Variants in HMCES observed in about 807,000 individuals in gnomAD.
The protein encoded by HMCES is abasic site processing protein HMCES.
HMCES carries 27 observed loss-of-function variants against 35.1 expected under a neutral mutation model. That is an observed-to-expected ratio of 0.77 (90% CI 0.57 to 1.06). HMCES has a LOEUF of 1.06. HMCES is among the 50% of genes least tolerant of loss of function. The pLI is 0.00. For missense variants in HMCES, 391 were observed against 430.4 expected (o/e 0.91, Z 0.81); for synonymous variants, 130 against 154.7 (o/e 0.84, Z 1.18).
intron 3 of HMCES, among the ~76,000 whole-genome samples, chr3:129,289,624 C>T (rs1247226745): frequency 6.6e-6 from 1 of 152,070 alleles, no homozygotes; most frequent in African/African-American, 2.4e-5. Flanking sequence ...ATCCACCTGT[C>T]TGGGCCTCCC....
intron 2 of HMCES, among the ~76,000 whole-genome samples, chr3:129,285,162 G>T (rs1199520072): frequency 6.6e-6 from 1 of 151,870 alleles, no homozygotes; most frequent in Non-Finnish European, 1.5e-5. Flanking sequence ...AAAATTTTTT[G>T]TACCCTCAGG....
rs373499178 is a variant in HMCES, at chr3:129,279,796, G to A, written c.64G>A (p.Asp22Asn). Residue 22 changes from aspartate (D) to asparagine (N), a missense_variant, in exon 2 of 7, where the codon GAT becomes AAT. Asp to Asn is a conservative substitution (Grantham distance 23). Transcript: ENST00000383463. The surrounding 1 kb of genome is among the most constrained non-coding windows in gnomAD (Gnocchi z 4.2). ...TCTCACGAGAGCTTGCGCCTACCAG[G>A]ATCGGCGGGGCCAGCAGCGGCTCCC... Reference protein sequence around the residue: ...DVLTRACAYQDRRGQQRLPEW... With the variant: ...DVLTRACAYQNRRGQQRLPEW... The A allele has an allele frequency of 3.3e-5, 54 of 1,613,012 alleles. No individual in the cohort carries two copies. Among genetic ancestry groups the A allele is most frequent in the African/African-American group, 8.0e-5 (6 of 74,898 alleles).
intron 2 of HMCES, among the ~76,000 whole-genome samples, chr3:129,284,207 C>CT (rs1940573540): frequency 6.6e-6 from 1 of 152,124 alleles, no homozygotes; most frequent in Non-Finnish European, 1.5e-5. Context: ...AAACAAGTAT[C>CT]TTTTTTGCAG....
Position 129,279,612 on chromosome 3 carries a change from A to G in HMCES, c.-23-98A>G. 1 of 1,217,342 alleles carries G rather than the reference A, an allele frequency of 8.2e-7. No individual in the cohort carries two copies. The highest frequency in any genetic ancestry group is 1.2e-6 in the Non-Finnish European group (1 of 867,564). 75.4% of individuals were successfully genotyped at this position (1,217,342 alleles called of 1,614,324 possible). A position where few individuals can be genotyped will look rare whatever the true frequency, so the allele number is the denominator to read the frequency against. ...CTTTAGACGGTGGTCACGGAGGGGCACGGCCCTGTGGGAACGGAAAGAGAA... is the reference window on the plus strand; with the variant it reads ...CTTTAGACGGTGGTCACGGAGGGGCGCGGCCCTGTGGGAACGGAAAGAGAA... On this transcript the variant is annotated intron_variant, in intron 1 of 6. Coordinates refer to ENST00000383463, the MANE Select transcript of HMCES (RefSeq NM_020187.3). The surrounding 1 kb of genome is among the most constrained non-coding windows in gnomAD (Gnocchi z 4.2).
intron 4 of HMCES, among the ~76,000 whole-genome samples, chr3:129,296,887 C>T (rs1351011304): frequency 6.6e-6 from 1 of 152,116 alleles, no homozygotes; most frequent in Non-Finnish European, 1.5e-5. Flanking sequence ...TACAGGCGCC[C>T]GTCACCAGGC....
chr3:129,284,314 A>G (rs1327635491), intron 2 of HMCES, among the ~76,000 whole-genome samples: 5 of 152,236 alleles, frequency 3.3e-5, no homozygotes, highest in African/African-American at 7.2e-5. Flanking sequence ...AGGCTGTGAT[A>G]TGTCTTAAAA....
chr3:129,303,397 T>TGTTTTGATTCTGATAAACTC (rs2071194832), intron 6 of HMCES, among the ~76,000 whole-genome samples: 1 of 152,214 alleles, frequency 6.6e-6, no homozygotes, highest in Non-Finnish European at 1.5e-5. Context: ...TTTTTTCTTT[T>TGTTTTGATTCTGATAAACTC]GTTTTGATTC....
In HMCES at chr3:129,288,972, C is replaced by T. The variant is rs779979711; in HGVS notation, c.302C>T (p.Thr101Ile). 1 of 1,580,198 alleles carries T rather than the reference C, an allele frequency of 6.3e-7. No individual in the cohort carries two copies. The highest frequency in any genetic ancestry group is 8.7e-7 in the Non-Finnish European group (1 of 1,154,090). The change falls in exon 3 of 7, where the codon ACC (threonine) becomes ATC (isoleucine). Residue 101 changes from threonine to isoleucine, a missense_variant. By Grantham distance (89) the Thr-to-Ile change is moderately conservative. Coordinates refer to ENST00000383463, the MANE Select transcript of HMCES (RefSeq NM_020187.3). ...AATACTACCAACTGTCGTAGTGATA[C>T]CGTAATGGAGAAACGGTCATTTAAG... ...QFNTTNCRSD[T>I]VMEKRSFKVP...
chr3:129,299,533 C>T (rs1333451086), intron 5 of HMCES, among the ~76,000 whole-genome samples: 2 of 151,914 alleles, frequency 1.3e-5, no homozygotes, highest in East Asian at 1.9e-4. Context: ...TCGCCATGTT[C>T]GAAACCAGTA....
chr3:129,289,803 G>A (rs1940747538), intron 3 of HMCES, among the ~76,000 whole-genome samples: 1 of 152,176 alleles, frequency 6.6e-6, no homozygotes, highest in African/African-American at 2.4e-5. Context: ...GCTATGACAA[G>A]TACCTATTTG....
chr3:129,285,545 G>C (rs888020664), intron 2 of HMCES, among the ~76,000 whole-genome samples: 14 of 151,780 alleles, frequency 9.2e-5, no homozygotes, highest in Admixed American at 3.3e-4. Flanking sequence ...TCTTCCTCCC[G>C]GGTTCACGCC....
intron 3 of HMCES, among the ~76,000 whole-genome samples, chr3:129,290,203 A>G (rs900948964): frequency 1.3e-4 from 19 of 151,674 alleles, no homozygotes; most frequent in African/African-American, 2.7e-4. Context: ...AAAAAAAAAA[A>G]AAAAGAAAAG....
rs2071178954 is a variant in HMCES, at chr3:129,302,274, C to T, written c.828+132C>T. 3 of 724,236 alleles carry T rather than the reference C, an allele frequency of 4.1e-6. No homozygotes were observed. In the East Asian group the frequency reaches 8.0e-5, roughly 19 times the overall value. 44.9% of individuals were successfully genotyped at this position (724,236 alleles called of 1,614,324 possible). A position where few individuals can be genotyped will look rare whatever the true frequency, so the allele number is the denominator to read the frequency against. ...ATCAAAAGCTCTCATACTCCTTGTA[C>T]ACAGCAAGGTAGTGTAGAGCAGCAA... is the stretch of plus-strand genomic sequence containing the variant. On this transcript the variant is annotated intron_variant, in intron 6 of 6. Transcript: ENST00000383463.
intron 2 of HMCES, 132 bp from the exon 3 acceptor site, chr3:129,288,722 G>A (rs1389129930): frequency 1.3e-6 from 1 of 775,226 alleles, no homozygotes; most frequent in Non-Finnish European, 1.8e-6. Context: ...TTGTTTTCAA[G>A]TAGATTCCCT....
Position 129,279,567 on chromosome 3 carries a change from G to GT in HMCES, c.-23-142dup, listed in dbSNP as rs1940402983. On this transcript the variant is annotated intron_variant, in intron 1 of 6. Coordinates refer to ENST00000383463, the MANE Select transcript of HMCES (RefSeq NM_020187.3). The surrounding 1 kb of genome is among the most constrained non-coding windows in gnomAD (Gnocchi z 4.2). ...AGCAAACGGGCACATCCTTGTCTTT[G>GT]TGGGACTTTTTGGGGAAGACTTTAG... 4 of 787,084 alleles carry GT rather than the reference G, an allele frequency of 5.1e-6. No individual in the cohort carries two copies. Among genetic ancestry groups the GT allele is most frequent in the Non-Finnish European group, 8.0e-6 (4 of 498,890 alleles). The allele number at this position is 787,084 out of a possible 1,614,324, so 48.8% of individuals were successfully genotyped here.
In HMCES at chr3:129,279,675, ACGTAAG is replaced by A; in HGVS notation, c.-23-33_-23-28del. On this transcript the variant is annotated intron_variant, in intron 1 of 6. Transcript: ENST00000383463. The surrounding 1 kb of genome is among the most constrained non-coding windows in gnomAD (Gnocchi z 4.2). Reference sequence around the variant, plus strand: ...AGGAATAAGACCTAATATTTGAGATACGTAAGCCTTTTCCTTACGTTTTGTAATTTA... The same window carrying A: ...AGGAATAAGACCTAATATTTGAGATACCTTTTCCTTACGTTTTGTAATTTA... 6.3e-7 allele frequency: 1 copy of A among 1,590,020 alleles called. No homozygotes were observed. The highest frequency in any genetic ancestry group is 8.6e-7 in the Non-Finnish European group (1 of 1,165,146).
chr3:129,289,989 C>T (rs1296461417), intron 3 of HMCES, among the ~76,000 whole-genome samples: 1 of 151,782 alleles, frequency 6.6e-6, no homozygotes, highest in Non-Finnish European at 1.5e-5. Flanking sequence ...AGATCGAGAC[C>T]ATCCTGGCTA....
intron 2 of HMCES, among the ~76,000 whole-genome samples, chr3:129,281,844 A>C (rs1478163365): frequency 1.4e-5 from 2 of 143,212 alleles, no homozygotes; most frequent in African/African-American, 2.6e-5. Context: ...TCTGTACTAT[A>C]AAAAAAAAAA....
In HMCES at chr3:129,298,240, G is replaced by A. The variant is rs1219793260; in HGVS notation, c.454-114G>A. The A allele has an allele frequency of 8.5e-6, 8 of 937,128 alleles. No homozygotes were observed. The East Asian group carries it at 1.7e-4, about 20-fold the overall frequency. 58.1% of individuals were successfully genotyped at this position (937,128 alleles called of 1,614,324 possible). A position where few individuals can be genotyped will look rare whatever the true frequency, so the allele number is the denominator to read the frequency against. On this transcript the variant is annotated intron_variant, in intron 4 of 6. Coordinates refer to ENST00000383463, the MANE Select transcript of HMCES (RefSeq NM_020187.3). Reference sequence around the variant, plus strand: ...GTGACAGAGGGGTTAATAAGACGTGGGCTGAATTACTTTTAAAATGATTTC... The same window carrying A: ...GTGACAGAGGGGTTAATAAGACGTGAGCTGAATTACTTTTAAAATGATTTC...
Sources: gnomAD v4.1 joint callset for allele counts (sites outside exome capture counted in the v4.1 genomes callset) on GRCh38, gnomAD v4.1.1 for gene constraint, Gnocchi (gnomAD v3.1) non-coding constraint, MANE v1.5 for transcripts, NCBI Gene and HGNC (gene_info 2026-07-23, HGNC 2026-07-21) for gene names.